SNURF: variants seen among roughly 807,000 people sequenced by gnomAD.
SNURF encodes SNURF protein.
SNURF carries 6 observed loss-of-function variants against 11.6 expected under a neutral mutation model. The ratio of observed to expected loss-of-function variants is 0.52; its 90% confidence interval spans 0.28 to 1.02. The LOEUF (loss-of-function observed/expected upper bound fraction) is 1.02, where lower values mean the gene tolerates loss of function less well. Among genes scored for constraint, SNURF ranks in the 50% least tolerant of loss-of-function variants. The pLI is 0.09. For missense variants in SNURF, 84 were observed against 88.4 expected, an observed-to-expected ratio of 0.95 and a Z score of 0.20; for synonymous variants, 29 against 31.6, an observed-to-expected ratio of 0.92 and a Z score of 0.27.
intron 6 of SNURF, among the ~76,000 whole-genome samples, chr15:24,977,297 A>G (rs1019972748): frequency 1.3e-5 from 2 of 152,152 alleles, no homozygotes; most frequent in African/African-American, 4.8e-5. Flanking sequence ...CCACAGTTGA[A>G]AAGACCAAAG....
downstream of SNURF, chr15:24,978,630 T>TA (rs1158150767): frequency 4.8e-6 from 3 of 630,078 alleles, no homozygotes; most frequent in Admixed American, 5.5e-5. Context: ...GATGAGATCT[T>TA]AAGTTACTGT....
chr15:24,972,541 C>CTT (rs755600861), downstream of SNURF, among the ~76,000 whole-genome samples: 20 of 112,206 alleles, frequency 1.8e-4, no homozygotes, highest in East Asian at 2.7e-4. Flanking sequence ...TTAGAGTATT[C>CTT]TTTTTTTTTT....
chr15:24,955,753 C>A (rs1017304530), intron 1 of SNURF, among the ~76,000 whole-genome samples: 37 of 150,272 alleles, frequency 2.5e-4, no homozygotes, highest in Non-Finnish European at 2.8e-4. Context: ...GGGAAGGCGG[C>A]GACAGTGGGT....
At chr15:24,976,560 T>A (rs545042990) in intron 5 of SNURF, 1 of 693,478 alleles carries the variant, frequency 1.4e-6, no homozygotes, top group South Asian at 1.8e-5. Flanking sequence ...AATTGTTGGT[T>A]GCCTATGCTA....
intron 3 of SNURF, chr15:24,974,912 A>G: frequency 1.4e-6 from 1 of 702,880 alleles, no homozygotes; most frequent in Non-Finnish European, 2.6e-6. Context: ...TTTGGTCATG[A>G]TTCCACCAGT....
downstream of SNURF, among the ~76,000 whole-genome samples, chr15:24,969,513 A>G (rs1361475387): frequency 6.6e-6 from 1 of 152,170 alleles, no homozygotes. Context: ...TTTTCTAGCA[A>G]TTGCATAAGC....
At chr15:24,977,094 T>C (rs1396793149) in intron 6 of SNURF, 1 of 1,339,348 alleles carries the variant, frequency 7.5e-7, no homozygotes, top group Admixed American at 2.6e-5. Context: ...GCCGAGGAGA[T>C]TTAAAAACCT....
At chr15:24,963,438 A>G (rs1466188272) in intron 2 of SNURF, among the ~76,000 whole-genome samples, 1 of 151,628 alleles carries the variant, frequency 6.6e-6, no homozygotes. Context: ...AACATGGTGA[A>G]ACCCCGTCTC....
At chr15:24,977,209 G>A (rs1163320115) in intron 6 of SNURF, among the ~76,000 whole-genome samples, 1 of 152,160 alleles carries the variant, frequency 6.6e-6, no homozygotes, top group Non-Finnish European at 1.5e-5. Flanking sequence ...ATGGTCATTG[G>A]GTGATTAAAG....
At chr15:24,976,670 AAG>A (rs2077092898) in intron 5 of SNURF, among the ~76,000 whole-genome samples, 1 of 152,208 alleles carries the variant, frequency 6.6e-6, no homozygotes, top group Admixed American at 6.5e-5. Flanking sequence ...ATGTTTATAA[AAG>A]AGGTGTTTTC....
chr15:24,972,779 A>G (rs1191196722), downstream of SNURF, among the ~76,000 whole-genome samples: 1 of 137,076 alleles, frequency 7.3e-6, no homozygotes, highest in African/African-American at 3.0e-5. Context: ...TGCATGCTTG[A>G]TTACGGTCAT....
In SNURF at chr15:24,964,279, C is replaced by T. The variant is rs190857450; in HGVS notation, c.110+2070C>T. Among the ~76,000 whole-genome samples the T allele has an allele frequency of 5.9e-5, 9 of 151,952 alleles. No homozygotes were observed. In the East Asian group the frequency reaches 9.7e-4, roughly 16 times the overall value. On this transcript the variant is annotated intron_variant, in intron 2 of 2. Transcript: ENST00000577949. The stretch of plus-strand genomic sequence containing the variant: ...TGTCCTTTATATATAATAGGTTATT[C>T]GATCATTCATTTTATTTGATATGAA...
intron 1 of SNURF, among the ~76,000 whole-genome samples, chr15:24,961,068 G>C (rs749523544): frequency 6.6e-6 from 1 of 151,804 alleles, no homozygotes; most frequent in African/African-American, 2.4e-5. Context: ...AGTGTTTTCG[G>C]AACTTTATTT....
chr15:24,970,081 T>C (rs1336031334), downstream of SNURF, among the ~76,000 whole-genome samples: 10 of 152,120 alleles, frequency 6.6e-5, no homozygotes, highest in Non-Finnish European at 1.5e-4. Flanking sequence ...TAGAAGGTGA[T>C]AAAGAATAGA....
chr15:24,969,219 C>A (rs989498881), downstream of SNURF, among the ~76,000 whole-genome samples: 1 of 152,104 alleles, frequency 6.6e-6, no homozygotes, highest in East Asian at 1.9e-4. Context: ...ACCTCTGCCT[C>A]CCAGGTTCAA....
downstream of SNURF, chr15:24,978,542 A>T (rs1023087219): frequency 7.1e-6 from 7 of 986,310 alleles, no homozygotes; most frequent in African/African-American, 1.1e-4. Flanking sequence ...ATTCTGCATT[A>T]ATAATAGCTA....
At chr15:24,972,670 T>C (rs1434215935), downstream of SNURF, among the ~76,000 whole-genome samples, 1 of 151,862 alleles carries the variant, frequency 6.6e-6, no homozygotes. Flanking sequence ...CATTTTTTAA[T>C]TAGTATGATA....
At chr15:24,965,295 T>C (rs920815125) in intron 2 of SNURF, among the ~76,000 whole-genome samples, 2 of 152,060 alleles carry the variant, frequency 1.3e-5, no homozygotes, top group African/African-American at 4.8e-5. Context: ...CCCAGCACTT[T>C]GGGAGGCGAA....
downstream of SNURF, among the ~76,000 whole-genome samples, chr15:24,973,393 T>C (rs954314887): frequency 1.3e-5 from 2 of 152,076 alleles, no homozygotes; most frequent in African/African-American, 2.4e-5. Context: ...ACGTGACTTA[T>C]TTATTTATTT....
Sources: gnomAD v4.1 joint callset for allele counts (sites outside exome capture counted in the v4.1 genomes callset) on GRCh38, gnomAD v4.1.1 for gene constraint, MANE v1.5 for transcripts, NCBI Gene and HGNC (gene_info 2026-07-23, HGNC 2026-07-21) for gene names.